Variants in SIRT1 observed in about 807,000 individuals in gnomAD.
SIRT1 encodes the protein sirtuin 1, also known as NAD-dependent protein deacetylase sirtuin-1.
A neutral mutation model predicts 67.9 loss-of-function variants in SIRT1; 24 were observed. The observed-to-expected ratio is 0.35, with a 90% CI of 0.26 to 0.50. The LOEUF (loss-of-function observed/expected upper bound fraction) is 0.50. Among genes scored for constraint, SIRT1 ranks in the 20% least tolerant of loss-of-function variants. SIRT1 has a pLI of 0.98. For missense variants in SIRT1, 873 were observed against 937.2 expected, an observed-to-expected ratio of 0.93 and a Z score of 0.89; for synonymous variants, 378 against 350.7, an observed-to-expected ratio of 1.08 and a Z score of -0.87.
intron 2 of SIRT1, among the ~76,000 whole-genome samples, chr10:67,888,633 GTTAA>G (rs1186510638): frequency 7.2e-5 from 11 of 152,252 alleles, no homozygotes; most frequent in East Asian, 5.8e-4. Context: ...AATTCTGGTT[GTTAA>G]TTAATTAGAC....
intron 7 of SIRT1, among the ~76,000 whole-genome samples, chr10:67,911,668 T>C: frequency 7.9e-6 from 1 of 125,964 alleles, no homozygotes; most frequent in African/African-American, 3.0e-5. Flanking sequence ...TCCTTCCTTC[T>C]GTTAGTCCTT....
Position 67,908,215 on chromosome 10 carries a change from T to C in SIRT1, c.1170+90T>C, listed in dbSNP as rs1589081788. On this transcript the variant is annotated intron_variant, in intron 6 of 8. Coordinates refer to ENST00000212015, the MANE Select transcript of SIRT1 (RefSeq NM_012238.5). ...AATCCTTTTTTACCCCTTTAAAGTATATATGGTACAGAAAGATTCAGGAAG... is the reference window on the plus strand; with the variant it reads ...AATCCTTTTTTACCCCTTTAAAGTACATATGGTACAGAAAGATTCAGGAAG... 11 of 1,017,076 alleles carry C rather than the reference T, an allele frequency of 1.1e-5. No homozygotes were observed. The East Asian group carries it at 2.4e-4, about 23-fold the overall frequency. The allele number at this position is 1,017,076 out of a possible 1,614,324, so 63.0% of individuals were successfully genotyped here. A position where few individuals can be genotyped will look rare whatever the true frequency, so the allele number is the denominator to read the frequency against.
chr10:67,900,303 G>A (rs567655695), intron 4 of SIRT1, among the ~76,000 whole-genome samples: 30 of 152,046 alleles, frequency 2.0e-4, no homozygotes, highest in Middle Eastern at 6.8e-3. Flanking sequence ...GTGCCACCAC[G>A]CCCAGCTAAT....
chr10:67,892,444 G>A (rs184370195), intron 4 of SIRT1, among the ~76,000 whole-genome samples: 1 of 152,138 alleles, frequency 6.6e-6, no homozygotes, highest in East Asian at 1.9e-4. Flanking sequence ...ATGGTGGTGT[G>A]CACCTGTAGA....
At chr10:67,886,243 G>T (rs1049581873) in intron 1 of SIRT1, among the ~76,000 whole-genome samples, 1 of 151,476 alleles carries the variant, frequency 6.6e-6, no homozygotes, top group African/African-American at 2.4e-5. Flanking sequence ...GCCCGGTCAG[G>T]TTTCTTATTT....
intron 4 of SIRT1, among the ~76,000 whole-genome samples, chr10:67,905,472 G>C (rs1035260313): frequency 2.6e-5 from 4 of 152,212 alleles, no homozygotes; most frequent in South Asian, 2.1e-4. Flanking sequence ...GTTTTTAGCA[G>C]CATGTGTACA....
At position 67,885,054 on chromosome 10, in the gene SIRT1, T is replaced by G; in HGVS notation, c.333T>G (p.Ser111=). ...ATGGGCCGGGCCTGCAGGGCCCATC[T>G]CGGGAGCCACCGCTGGCCGACAACT... ...GDNGPGLQGP[S]REPPLADNLY... The change falls in exon 1 of 9, where the codon TCT becomes TCG. Residue 111 remains serine (S), a synonymous_variant. Transcript: ENST00000212015. The G allele has an allele frequency of 7.0e-7, 1 of 1,429,558 alleles. No homozygotes were observed. The highest frequency in any genetic ancestry group is 9.2e-7 in the Non-Finnish European group (1 of 1,084,100). The allele number at this position is 1,429,558 out of a possible 1,614,324, so 88.6% of individuals were successfully genotyped here.
chr10:67,906,043 C>A, intron 4 of SIRT1: 1 of 826,364 alleles, frequency 1.2e-6, no homozygotes, highest in Non-Finnish European at 1.6e-6. Context: ...ACTTCCTTTG[C>A]CATAGTCACT....
chr10:67,888,788 A>C, intron 2 of SIRT1, 94 bp from the exon 3 acceptor site: 1 of 1,416,820 alleles, frequency 7.1e-7, no homozygotes, highest in Non-Finnish European at 9.5e-7. Flanking sequence ...TTTGCAAAAA[A>C]CCCTCACAGA....
In SIRT1 at chr10:67,891,560, A is replaced by G. The variant is rs750297088; in HGVS notation, c.942+6A>G. ...CATTCTTCAAGTTTGCAAAGGTACT[A>G]TGAACTCTTCTGGTTGTTTCTTTGG... On this transcript the variant is annotated splice_donor_region_variant and intron_variant, in intron 4 of 8. Coordinates refer to ENST00000212015, the MANE Select transcript of SIRT1 (RefSeq NM_012238.5). The G allele has an allele frequency of 5.6e-6, 9 of 1,613,634 alleles. No individual in the cohort carries two copies. Among genetic ancestry groups the G allele is most frequent in the East Asian group, 2.2e-5 (1 of 44,852 alleles).
chr10:67,893,321 C>G (rs1374117596), intron 4 of SIRT1, among the ~76,000 whole-genome samples: 1 of 152,138 alleles, frequency 6.6e-6, no homozygotes, highest in African/African-American at 2.4e-5. Context: ...TGACAGGCCT[C>G]TGTGTGTGGT....
In SIRT1 at chr10:67,888,908, C is replaced by T; in HGVS notation, c.574C>T (p.Leu192Phe). ...TCCATATACTTTTGTTCAGCAACAT[C>T]TTATGATTGGCACAGATCCTCGAAC... ...IGPYTFVQQH[L>F]MIGTDPRTIL... Residue 192 changes from leucine to phenylalanine, a missense_variant, in exon 3 of 9, where the codon CTT becomes TTT. This residue lies in a region of SIRT1 where 327 missense variants were observed against 283.9 expected (regional missense o/e 1.15). Transcript: ENST00000212015. 6.2e-7 allele frequency: 1 copy of T among 1,612,982 alleles called. No homozygotes were observed. The highest frequency in any genetic ancestry group is 8.5e-7 in the Non-Finnish European group (1 of 1,179,322).
chr10:67,912,448 A>C, intron 7 of SIRT1, 26 bp from the exon 8 acceptor site: 1 of 1,550,708 alleles, frequency 6.4e-7, no homozygotes, highest in East Asian at 2.3e-5. Context: ...CCCTTTTTCT[A>C]ACTCTTATTT....
At chr10:67,909,196 A>G (rs780622840) in intron 6 of SIRT1, 60 bp from the exon 7 acceptor site, 33 of 1,171,394 alleles carry the variant, frequency 2.8e-5, no homozygotes, top group Middle Eastern at 2.0e-4. Context: ...AATGTTGACT[A>G]TTTCTAACTT....
intron 1 of SIRT1, among the ~76,000 whole-genome samples, chr10:67,886,738 C>G (rs775360922): frequency 5.9e-5 from 9 of 151,932 alleles, no homozygotes; most frequent in Non-Finnish European, 1.3e-4. Flanking sequence ...GTAAGTTTAA[C>G]GTGCGCATTG....
intron 1 of SIRT1, among the ~76,000 whole-genome samples, chr10:67,886,697 G>A (rs954108368): frequency 2.0e-5 from 3 of 152,032 alleles, no homozygotes; most frequent in African/African-American, 7.3e-5. Flanking sequence ...ATTTAATAGA[G>A]GAAACAATGC....
At position 67,885,054 on chromosome 10, in the gene SIRT1, T is replaced by C; in HGVS notation, c.333T>C (p.Ser111=). ...ATGGGCCGGGCCTGCAGGGCCCATC[T>C]CGGGAGCCACCGCTGGCCGACAACT... ...GDNGPGLQGP[S]REPPLADNLY... is the part of the protein sequence containing the mutation. Residue 111 remains serine, a synonymous_variant, in exon 1 of 9, where the codon TCT becomes TCC. Transcript: ENST00000212015. 2 of 1,429,558 alleles carry C rather than the reference T, an allele frequency of 1.4e-6. No individual in the cohort carries two copies. The highest frequency in any genetic ancestry group is 2.8e-5 in the South Asian group (2 of 70,524). The allele number at this position is 1,429,558 out of a possible 1,614,324, so 88.6% of individuals were successfully genotyped here. A position where few individuals can be genotyped will look rare whatever the true frequency, so the allele number is the denominator to read the frequency against.
Position 67,899,131 on chromosome 10 carries a change from T to A in SIRT1, c.942+7577T>A, listed in dbSNP as rs374352054. 8.1e-4 allele frequency among the ~76,000 whole-genome samples: 123 copies of A among 152,170 alleles called. 1 individual carries two copies. In the East Asian group the frequency reaches 0.016, roughly 20 times the overall value. On this transcript the variant is annotated intron_variant, in intron 4 of 8. Transcript: ENST00000212015. ...AGCCTTTAAGTCTCCTGATATGTTT[T>A]GTCGTATTGCAGCTTGGAAAGGTTG...
At chr10:67,914,218 T>C (rs927803833) in intron 8 of SIRT1, among the ~76,000 whole-genome samples, 3 of 151,964 alleles carry the variant, frequency 2.0e-5, no homozygotes, top group Non-Finnish European at 4.4e-5. Flanking sequence ...ATTACAGGCA[T>C]GCGCCACCTT....
Sources: allele counts gnomAD v4.1 joint callset (sites outside exome capture counted in the v4.1 genomes callset), GRCh38; gene constraint gnomAD v4.1.1; regional missense constraint gnomAD v4.1.1; transcripts MANE v1.5; gene names NCBI Gene and HGNC (gene_info 2026-07-23, HGNC 2026-07-21).